YLPM1: variants seen among roughly 807,000 people sequenced by gnomAD.
The protein encoded by YLPM1 is YLP motif-containing protein 1.
Under a neutral mutation model 230.0 loss-of-function variants are expected in YLPM1, and 99 were observed. That is an observed-to-expected ratio of 0.43 (90% confidence interval 0.37 to 0.51). YLPM1 has a LOEUF of 0.51. Ranked by LOEUF, YLPM1 falls within the 20% of genes least tolerant of loss-of-function variation. The probability of loss-of-function intolerance (pLI) is 0.00; values close to 1 mark genes in which losing one functional copy is unlikely to be tolerated. For missense variants in YLPM1, 2,592 were observed against 2,707.7 expected (o/e 0.96, Z 0.95); for synonymous variants, 984 against 942.5 (o/e 1.04, Z -0.81).
At chr14:74,833,071 T>G (rs762413217) in intron 19 of YLPM1, among the ~76,000 whole-genome samples, 1 of 146,592 alleles carries the variant, frequency 6.8e-6, no homozygotes, top group Non-Finnish European at 1.5e-5. Context: ...GGGCAAACTG[T>G]GGCCACTGAA....
chr14:74,802,530 A>T, intron 5 of YLPM1, 26 bp from the exon 6 acceptor site: 1 of 1,604,026 alleles, frequency 6.2e-7, no homozygotes, highest in African/African-American at 1.3e-5. Context: ...TGCTTTATGT[A>T]CTATGTCAAT....
At chr14:74,772,011 GAATAT>G (rs1026604969) in intron 1 of YLPM1, among the ~76,000 whole-genome samples, 1 of 152,086 alleles carries the variant, frequency 6.6e-6, no homozygotes, top group African/African-American at 2.4e-5. Flanking sequence ...CCCTGCTTTA[GAATAT>G]AAGACATAGA....
At chr14:74,822,787 A>G (rs761087974) in intron 17 of YLPM1, among the ~76,000 whole-genome samples, 37 of 152,130 alleles carry the variant, frequency 2.4e-4, no homozygotes, top group Non-Finnish European at 4.9e-4. Flanking sequence ...TAAACCTTGC[A>G]TTTTCCACTC....
intron 4 of YLPM1, among the ~76,000 whole-genome samples, chr14:74,794,287 G>A (rs890797645): frequency 3.3e-5 from 5 of 152,070 alleles, no homozygotes; most frequent in African/African-American, 1.2e-4. Flanking sequence ...GGGTTCAAGT[G>A]ATTCTCCTAC....
Position 74,781,893 on chromosome 14 carries a change from C to G in YLPM1, c.1850C>G (p.Pro617Arg). Residue 617 changes from proline to arginine, a missense_variant, in exon 4 of 21, where the codon CCT becomes CGT. This residue lies in a region of YLPM1 where 1,862 missense variants were observed against 1,819.8 expected (regional missense o/e 1.02). Coordinates refer to ENST00000325680, the MANE Select transcript of YLPM1 (RefSeq NM_019589.3). ...TCTCTCTCTTCAACAGCACCTCCAC[C>G]TGTCATGCCCCTCCCACCATTGTCT... ...PPSLSSTAPP[P>R]VMPLPPLSSA... 6.2e-7 allele frequency: 1 copy of G among 1,613,846 alleles called. No homozygotes were observed.
At chr14:74,804,959 A>G (rs1214504332) in intron 6 of YLPM1, among the ~76,000 whole-genome samples, 1 of 151,726 alleles carries the variant, frequency 6.6e-6, no homozygotes, top group Non-Finnish European at 1.5e-5. Context: ...TGTTATTCTT[A>G]ATATTACCCT....
chr14:74,798,529 A>C lies in YLPM1; in HGVS notation c.3232A>C (p.Ser1078Arg). The C allele has an allele frequency of 6.2e-7, 1 of 1,613,974 alleles. No individual in the cohort carries two copies. Among genetic ancestry groups the C allele is most frequent in the Admixed American group, 1.7e-5 (1 of 60,014 alleles). The change falls in exon 5 of 21, where the codon AGC (serine) becomes CGC (arginine). Residue 1078 changes from serine to arginine, a missense_variant. Transcript: ENST00000325680. The part of the protein sequence containing the change: ...SREKMNRGEG[S>R]RDRGLVRPGS... ...AGAGAAGATGAACAGAGGAGAAGGTAGCCGGGACAGAGGGTTGGTGAGGCC... is the reference window on the plus strand; with the variant it reads ...AGAGAAGATGAACAGAGGAGAAGGTCGCCGGGACAGAGGGTTGGTGAGGCC...
intron 2 of YLPM1, among the ~76,000 whole-genome samples, chr14:74,779,224 A>C (rs2091070246): frequency 6.6e-6 from 1 of 152,212 alleles, no homozygotes; most frequent in Non-Finnish European, 1.5e-5. Context: ...GCCTCTAAGC[A>C]CTAAAGGAAG....
intron 6 of YLPM1, among the ~76,000 whole-genome samples, chr14:74,805,749 C>T (rs1451535042): frequency 6.7e-6 from 1 of 148,638 alleles, no homozygotes; most frequent in African/African-American, 2.5e-5. Context: ...GTCACCCAGG[C>T]TGGAGTGCAG....
Position 74,798,130 on chromosome 14 carries a change from G to T in YLPM1, c.2833G>T (p.Val945Leu), listed in dbSNP as rs750465435. 55 of 1,613,840 alleles carry T rather than the reference G, an allele frequency of 3.4e-5. No homozygotes were observed. Among genetic ancestry groups the T allele is most frequent in the Middle Eastern group, 3.3e-4 (2 of 6,084 alleles). Reference sequence around the variant, plus strand: ...CAAAGCCCAAGCTGTTACTCAGCCTGTACCCCTTGCGAATAAGCCTGTACC... The same window carrying T: ...CAAAGCCCAAGCTGTTACTCAGCCTTTACCCCTTGCGAATAAGCCTGTACC... ...IDKAQAVTQPVPLANKPVPAQ... is the reference protein window; with the variant it reads ...IDKAQAVTQPLPLANKPVPAQ... The change falls in exon 5 of 21, where the codon GTA (valine) becomes TTA (leucine). Residue 945 changes from valine (V) to leucine (L), a missense_variant. Coordinates refer to ENST00000325680, the MANE Select transcript of YLPM1 (RefSeq NM_019589.3).
intron 6 of YLPM1, among the ~76,000 whole-genome samples, chr14:74,804,338 A>G (rs1034616706): frequency 2.0e-5 from 3 of 152,176 alleles, no homozygotes; most frequent in African/African-American, 7.2e-5. Flanking sequence ...ATGTTCTCCC[A>G]TGCCTTCAGG....
At position 74,809,789 on chromosome 14, in the gene YLPM1, A is replaced by G; in HGVS notation, c.4931A>G (p.His1644Arg). ...PPVQQTVDYGHGRDISTNKVE... is the reference protein window; with the variant it reads ...PPVQQTVDYGRGRDISTNKVE... ...GTACAACAGACTGTTGATTATGGCC[A>G]TGGCCGAGGTGAGTAATGATAGTGC... Residue 1644 changes from histidine to arginine, a missense_variant, in exon 7 of 21, where the codon CAT becomes CGT. Coordinates refer to ENST00000325680, the MANE Select transcript of YLPM1 (RefSeq NM_019589.3). The G allele has an allele frequency of 8.1e-6, 13 of 1,613,940 alleles. No homozygotes were observed. The highest frequency in any genetic ancestry group is 1.1e-5 in the Non-Finnish European group (13 of 1,179,866).
intron 1 of YLPM1, among the ~76,000 whole-genome samples, chr14:74,773,077 G>A (rs1019619120): frequency 8.5e-5 from 13 of 152,136 alleles, no homozygotes; most frequent in African/African-American, 3.1e-4. Context: ...CACAAGGTCA[G>A]GAGATCGAGA....
chr14:74,830,882 C>A (rs1436307301), intron 19 of YLPM1, among the ~76,000 whole-genome samples: 1 of 152,166 alleles, frequency 6.6e-6, no homozygotes, highest in African/African-American at 2.4e-5. Flanking sequence ...GACCCAAACA[C>A]CTTCAGTATC....
intron 4 of YLPM1, among the ~76,000 whole-genome samples, chr14:74,796,217 G>GC (rs1398196615): frequency 6.6e-6 from 1 of 152,126 alleles, no homozygotes; most frequent in Non-Finnish European, 1.5e-5. Context: ...AGTGATCCTC[G>GC]CTTACTTCTT....
chr14:74,797,430 A>G (rs2091275500), intron 4 of YLPM1, 150 bp from the exon 5 acceptor site: 1 of 659,462 alleles, frequency 1.5e-6, no homozygotes, highest in Non-Finnish European at 2.4e-6. Context: ...ACTGGTTCTA[A>G]GATATTGGTG....
Position 74,811,601 on chromosome 14 carries a change from T to G in YLPM1, c.5229-19T>G, listed in dbSNP as rs199716267. ...AAATATTTTTTATTTGCTGAAGCGC[T>G]TCCTATTACACCTTCTAGAGCTCAG... On this transcript the variant is annotated intron_variant, in intron 9 of 20. Transcript: ENST00000325680. The G allele has an allele frequency of 1.3e-6, 2 of 1,580,174 alleles. No homozygotes were observed. Among genetic ancestry groups the G allele is most frequent in the African/African-American group, 2.7e-5 (2 of 73,580 alleles).
At position 74,763,363 on chromosome 14, in the gene YLPM1, T is replaced by C; in HGVS notation, c.-127T>C. 1.7e-6 allele frequency: 2 copies of C among 1,194,384 alleles called. No individual in the cohort carries two copies. The highest frequency in any genetic ancestry group is 2.2e-6 in the Non-Finnish European group (2 of 922,964). 74.0% of individuals were successfully genotyped at this position (1,194,384 alleles called of 1,614,324 possible). ...CGGGAGCGCCGGCGCACTGGCGCGC[T>C]CCGTTTACACGCTCCGGGGCCTGTA... On this transcript the variant is annotated 5_prime_UTR_variant, in exon 1 of 21. Transcript: ENST00000325680.
At chr14:74,770,664 T>A (rs2090970075) in intron 1 of YLPM1, among the ~76,000 whole-genome samples, 1 of 151,984 alleles carries the variant, frequency 6.6e-6, no homozygotes, top group African/African-American at 2.4e-5. Context: ...TAACCAGAAG[T>A]TAGAATTCAA....
Sources: gnomAD v4.1 joint callset for allele counts (sites outside exome capture counted in the v4.1 genomes callset) on GRCh38, gnomAD v4.1.1 for gene constraint, gnomAD v4.1.1 regional missense constraint, MANE v1.5 for transcripts, NCBI Gene and HGNC (gene_info 2026-07-23, HGNC 2026-07-21) for gene names.